The following SLC8A1 variants were observed in gnomAD, a reference collection of about 807,000 sequenced individuals.
The protein encoded by SLC8A1 is solute carrier family 8 member A1.
SLC8A1 carries 18 observed loss-of-function variants against 68.3 expected under a neutral mutation model. The ratio of observed to expected loss-of-function variants is 0.26; its 90% CI spans 0.18 to 0.39. The LOEUF (loss-of-function observed/expected upper bound fraction) is 0.39. SLC8A1 is among the 10% of genes least tolerant of loss of function. The pLI is 1.00. For missense variants in SLC8A1, 985 were observed against 1,156.7 expected (o/e 0.85, Z 2.15); for synonymous variants, 475 against 415.5 (o/e 1.14, Z -1.74).
rs552094825 is a variant in SLC8A1, at chr2:40,266,297, A to T, written c.1809-88442T>A. Among the ~76,000 whole-genome samples the T allele has an allele frequency of 5.9e-5, 9 of 152,198 alleles. No individual in the cohort carries two copies. The East Asian group carries it at 1.7e-3, about 29-fold the overall frequency. ...CAGCCTGAGCCTAACAGGTCCAATCACATCTAAGGAACAGTTTCACCTAGG... is the reference window on the plus strand; with the variant it reads ...CAGCCTGAGCCTAACAGGTCCAATCTCATCTAAGGAACAGTTTCACCTAGG... On this transcript the variant is annotated intron_variant, in intron 2 of 7. Transcript: ENST00000406785.
intron 2 of SLC8A1, among the ~76,000 whole-genome samples, chr2:40,363,749 C>G (rs1675243628): frequency 6.6e-6 from 1 of 151,974 alleles, no homozygotes; most frequent in Non-Finnish European, 1.5e-5. Flanking sequence ...TGATTAATAA[C>G]CAGTTGTTAT....
At chr2:40,212,638 A>C (rs192613705) in intron 2 of SLC8A1, among the ~76,000 whole-genome samples, 1 of 152,218 alleles carries the variant, frequency 6.6e-6, no homozygotes, top group Non-Finnish European at 1.5e-5. Flanking sequence ...CAGATCTATA[A>C]ATCTGCTGCC....
At chr2:40,292,786 G>C (rs532209514) in intron 2 of SLC8A1, among the ~76,000 whole-genome samples, 1 of 152,114 alleles carries the variant, frequency 6.6e-6, no homozygotes, top group African/African-American at 2.4e-5. Context: ...TTAAGACTTT[G>C]AATAGTGCTA....
At chr2:40,423,514 AC>A (rs1410922582) in intron 2 of SLC8A1, among the ~76,000 whole-genome samples, 1 of 151,956 alleles carries the variant, frequency 6.6e-6, no homozygotes, top group East Asian at 1.9e-4. Context: ...TCTGCCCCTA[AC>A]CCAGTAAAGC....
chr2:40,421,588 C>T (rs1329080803), intron 2 of SLC8A1, among the ~76,000 whole-genome samples: 1 of 152,002 alleles, frequency 6.6e-6, no homozygotes, highest in African/African-American at 2.4e-5. Context: ...ACCTGGTTGC[C>T]CTGTTATCAT....
intron 1 of SLC8A1, among the ~76,000 whole-genome samples, chr2:40,441,570 T>G (rs1700493079): frequency 7.3e-6 from 1 of 137,658 alleles, no homozygotes; most frequent in Non-Finnish European, 1.6e-5. Flanking sequence ...AAACAGACAT[T>G]ATAGACCAAT....
chr2:40,440,682 C>T (rs1176597478), intron 1 of SLC8A1, among the ~76,000 whole-genome samples: 1 of 152,170 alleles, frequency 6.6e-6, no homozygotes, highest in Non-Finnish European at 1.5e-5. Context: ...ACAAAAACCA[C>T]ATGATTATCT....
chr2:40,423,884 G>T (rs999244038), intron 2 of SLC8A1, among the ~76,000 whole-genome samples: 3 of 151,662 alleles, frequency 2.0e-5, no homozygotes, highest in African/African-American at 7.3e-5. Flanking sequence ...TAGGTTTGCA[G>T]ATGATATTAT....
chr2:40,199,256 G>A (rs984725913), intron 2 of SLC8A1, among the ~76,000 whole-genome samples: 3 of 151,768 alleles, frequency 2.0e-5, no homozygotes, highest in Non-Finnish European at 4.4e-5. Flanking sequence ...TATCATAGTG[G>A]TGGAAATGGA....
Position 40,509,099 on chromosome 2 carries a change from A to G in SLC8A1, c.-25+3250T>C, listed in dbSNP as rs1204734505. On this transcript the variant is annotated intron_variant, in intron 1 of 7. Transcript: ENST00000402441. ...GTATTACTTCACAGACCTTAAAACT[A>G]CATTGAAAATTCTCTGGCATACAAT... 5.3e-5 allele frequency among the ~76,000 whole-genome samples: 8 copies of G among 152,222 alleles called. No individual in the cohort carries two copies. The South Asian group carries it at 6.2e-4, about 12-fold the overall frequency.
intron 7 of SLC8A1, among the ~76,000 whole-genome samples, chr2:40,120,305 G>A (rs990347789): frequency 2.0e-5 from 3 of 152,140 alleles, no homozygotes; most frequent in South Asian, 2.1e-4. Flanking sequence ...GGCTATGAAG[G>A]TCTGCTTGCT....
At chr2:40,505,313 T>C (rs1159111687) in intron 1 of SLC8A1, among the ~76,000 whole-genome samples, 1 of 151,876 alleles carries the variant, frequency 6.6e-6, no homozygotes. Context: ...AACAATTTAA[T>C]TGTACATTTT....
chr2:40,279,002 T>C (rs2067147560), intron 2 of SLC8A1, among the ~76,000 whole-genome samples: 1 of 152,196 alleles, frequency 6.6e-6, no homozygotes, highest in Non-Finnish European at 1.5e-5. Flanking sequence ...TGATCTCAGA[T>C]TTTTAAGATG....
intron 1 of SLC8A1, among the ~76,000 whole-genome samples, chr2:40,511,015 A>G (rs2149947818): frequency 6.6e-6 from 1 of 152,254 alleles, no homozygotes; most frequent in South Asian, 2.1e-4. Context: ...CCAGACATCT[A>G]ATTTATCCAG....
At chr2:40,414,407 C>G (rs1693171046) in intron 2 of SLC8A1, among the ~76,000 whole-genome samples, 1 of 152,124 alleles carries the variant, frequency 6.6e-6, no homozygotes, top group Admixed American at 6.6e-5. Context: ...CACATTGGGA[C>G]CAGTACACAG....
chr2:40,189,763 A>C (rs1056654117), intron 2 of SLC8A1: 1 of 152,212 alleles, frequency 6.6e-6, no homozygotes, highest in Non-Finnish European at 1.5e-5. Context: ...CAAGAATATT[A>C]TGAATTTTTG....
At chr2:40,137,441 T>TG (rs1401448607) in intron 7 of SLC8A1, among the ~76,000 whole-genome samples, 2 of 152,190 alleles carry the variant, frequency 1.3e-5, no homozygotes, top group East Asian at 3.9e-4. Context: ...CATATTCTCC[T>TG]CAGAGACTAA....
At chr2:40,260,507 C>T (rs945836740) in intron 2 of SLC8A1, among the ~76,000 whole-genome samples, 1 of 152,098 alleles carries the variant, frequency 6.6e-6, no homozygotes, top group Non-Finnish European at 1.5e-5. Flanking sequence ...AATAAGTGAA[C>T]TTTGTTTTAT....
At chr2:40,387,973 C>G (rs1282859047) in intron 2 of SLC8A1, among the ~76,000 whole-genome samples, 1 of 147,498 alleles carries the variant, frequency 6.8e-6, no homozygotes, top group Non-Finnish European at 1.5e-5. Flanking sequence ...TTAGTTGAGA[C>G]TGATGGGCTA....
Sources: allele counts gnomAD v4.1 joint callset (sites outside exome capture counted in the v4.1 genomes callset), GRCh38; gene constraint gnomAD v4.1.1; transcripts MANE v1.5; gene names NCBI Gene and HGNC (gene_info 2026-07-23, HGNC 2026-07-21).